Variants in KCTD14 observed in about 807,000 individuals in gnomAD.
KCTD14 encodes potassium channel tetramerization domain containing 14.
Under a neutral mutation model 5.9 loss-of-function variants are expected in KCTD14, and 7 were observed. The ratio of observed to expected loss-of-function variants is 1.19; its 90% CI spans 0.68 to 2.23. KCTD14 has a LOEUF of 2.23. Ranked by LOEUF, KCTD14 falls within the 30% of genes most tolerant of loss-of-function variation. The probability of loss-of-function intolerance (pLI) is 0.00; values close to 1 mark genes in which losing one functional copy is unlikely to be tolerated. For synonymous variants in KCTD14, 140 were observed against 133.1 expected (o/e 1.05, Z -0.36); for missense variants, 342 against 332.2 (o/e 1.03, Z -0.23).
chr11:78,026,853 C>G (rs1028273970), upstream of KCTD14, among the ~76,000 whole-genome samples: 2 of 152,024 alleles, frequency 1.3e-5, no homozygotes, highest in Non-Finnish European at 2.9e-5. Context: ...AATCCCAGCA[C>G]TTTGAGAGGC....
At chr11:78,036,549 C>T (rs1857808371) in intron 2 of KCTD14, among the ~76,000 whole-genome samples, 1 of 152,262 alleles carries the variant, frequency 6.6e-6, no homozygotes, top group South Asian at 2.1e-4. Context: ...CCATATACAT[C>T]TGGCTGTAAA....
At chr11:78,025,108 GTGTGTGTGTGTATATA>G (rs1269109208), upstream of KCTD14, among the ~76,000 whole-genome samples, 36 of 67,536 alleles carry the variant, frequency 5.3e-4, no homozygotes, top group African/African-American at 2.3e-3. Flanking sequence ...GTGTGTGTGT[GTGTGTGTGTGTATATA>G]TATATATATA....
chr11:78,030,414 C>T (rs371027399), intron 2 of KCTD14, among the ~76,000 whole-genome samples: 2 of 152,218 alleles, frequency 1.3e-5, no homozygotes, highest in Non-Finnish European at 2.9e-5. Flanking sequence ...ACCTTAGACA[C>T]GTCCCTGCCC....
At position 78,016,335 on chromosome 11, in the gene KCTD14, A is replaced by T. The variant is rs1591171849; in HGVS notation, c.*258T>A. ...TGAAACATTCTTACTTGGTCTTGTT[A>T]TTGGACTTCAAGAGAAGGGTCTGGG... On this transcript the variant is annotated 3_prime_UTR_variant, in exon 2 of 2. Transcript: ENST00000353172. The T allele has an allele frequency of 1.9e-6, 1 of 516,302 alleles. No homozygotes were observed. The highest frequency in any genetic ancestry group is 3.3e-5 in the East Asian group (1 of 30,272). The allele number at this position is 516,302 out of a possible 1,614,324, so 32.0% of individuals were successfully genotyped here.
intron 2 of KCTD14, among the ~76,000 whole-genome samples, chr11:78,031,715 A>C (rs934525842): frequency 1.3e-5 from 2 of 152,146 alleles, no homozygotes; most frequent in Non-Finnish European, 1.5e-5. Context: ...GAGGAGGAAC[A>C]CATATTTGCC....
upstream of KCTD14, among the ~76,000 whole-genome samples, chr11:78,025,085 C>CGTGTGT (rs1163862866): frequency 1.8e-3 from 159 of 89,360 alleles, 2 homozygotes; most frequent in East Asian, 6.8e-3. Context: ...TATATACACA[C>CGTGTGT]GTGTGTGTGT....
Position 78,016,839 on chromosome 11 carries a change from T to C in KCTD14, c.522A>G (p.Glu174=), listed in dbSNP as rs1857177796. Residue 174 remains glutamate (E), a synonymous_variant, in exon 2 of 2, where the codon GAA becomes GAG. Coordinates refer to ENST00000353172, the MANE Select transcript of KCTD14 (RefSeq NM_023930.4). ...RKSSVLVCLV[E]TEEQDAYYSE... Reference sequence around the variant, plus strand: ...AATAATATGCATCCTGCTCCTCAGTTTCCACCAGGCACACAAGCACGCTGG... The same window carrying C: ...AATAATATGCATCCTGCTCCTCAGTCTCCACCAGGCACACAAGCACGCTGG... The C allele has an allele frequency of 6.2e-7, 1 of 1,614,060 alleles. No homozygotes were observed. Among genetic ancestry groups the C allele is most frequent in the Non-Finnish European group, 8.5e-7 (1 of 1,180,002 alleles).
At chr11:78,017,474 G>A (rs1857200228) in intron 1 of KCTD14, among the ~76,000 whole-genome samples, 1 of 147,654 alleles carries the variant, frequency 6.8e-6, no homozygotes, top group Admixed American at 6.8e-5. Context: ...TTTCGACGGA[G>A]TCTCGCTCTG....
rs767193473 is a variant in KCTD14, at chr11:78,016,693, G to A, written c.668C>T (p.Ala223Val). ...LMHCLEMDIKAQGYKVFSKFY... is the reference protein window; with the variant it reads ...LMHCLEMDIKVQGYKVFSKFY... ...CTTGGAGAATACCTTGTACCCCTGG[G>A]CCTTAATGTCCATCTCCAGGCAGTG... The change falls in exon 2 of 2, where the codon GCC becomes GTC. Residue 223 changes from alanine (A) to valine (V), a missense_variant. Coordinates refer to ENST00000353172, the MANE Select transcript of KCTD14 (RefSeq NM_023930.4). The A allele has an allele frequency of 1.1e-5, 17 of 1,614,162 alleles. No homozygotes were observed. The East Asian group carries it at 3.8e-4, about 36-fold the overall frequency.
In KCTD14 at chr11:78,016,325, T is replaced by C. The variant is rs1857162312; in HGVS notation, c.*268A>G. 2.0e-6 allele frequency: 1 copy of C among 495,148 alleles called. No homozygotes were observed. Among genetic ancestry groups the C allele is most frequent in the African/African-American group, 1.9e-5 (1 of 51,960 alleles). 30.7% of individuals were successfully genotyped at this position (495,148 alleles called of 1,614,324 possible). On this transcript the variant is annotated 3_prime_UTR_variant, in exon 2 of 2. Coordinates refer to ENST00000353172, the MANE Select transcript of KCTD14 (RefSeq NM_023930.4). ...AACGCATTGTTGAAACATTCTTACT[T>C]GGTCTTGTTATTGGACTTCAAGAGA... is the stretch of plus-strand genomic sequence containing the variant.
intron 1 of KCTD14, among the ~76,000 whole-genome samples, chr11:78,042,415 C>T (rs1196440769): frequency 1.3e-5 from 2 of 151,710 alleles, no homozygotes; most frequent in Non-Finnish European, 2.9e-5. Flanking sequence ...GCCTGAGGCA[C>T]GAGAATTGCT....
chr11:78,029,939 G>A (rs950442941), intron 2 of KCTD14, among the ~76,000 whole-genome samples: 8 of 151,918 alleles, frequency 5.3e-5, no homozygotes, highest in African/African-American at 1.5e-4. Context: ...CCACCACCAC[G>A]CCTGGCTAAT....
chr11:78,038,743 A>G lies in KCTD14; in HGVS notation c.-80T>C, dbSNP rs1409081698. The G allele has an allele frequency of 1.0e-4, 155 of 1,535,620 alleles. No individual in the cohort carries two copies. The highest frequency in any genetic ancestry group is 2.0e-4 in the Admixed American group (10 of 50,980). On this transcript the variant is annotated 5_prime_UTR_variant, in exon 2 of 3. Coordinates refer to the KCTD14 transcript ENST00000533144. ...GAGGGATCCTGGGGACAAGCAACAG[A>G]GGCCAATGTCACCCCCTGAAACAGA...
chr11:78,035,621 A>G lies in KCTD14; in HGVS notation c.-1+3043T>C, dbSNP rs1018961542. On this transcript the variant is annotated intron_variant, in intron 2 of 2. Coordinates refer to the KCTD14 transcript ENST00000533144. Reference sequence around the variant, plus strand: ...CACTTTGGGAGGCCGAGGCGGGTGGATCACTTGAGGTCAGGAGTTCGAAAC... The same window carrying G: ...CACTTTGGGAGGCCGAGGCGGGTGGGTCACTTGAGGTCAGGAGTTCGAAAC... Among the ~76,000 whole-genome samples, 4 of 151,760 alleles carry G rather than the reference A, an allele frequency of 2.6e-5. No homozygotes were observed. In the East Asian group the frequency reaches 7.7e-4, roughly 29 times the overall value.
intron 1 of KCTD14, among the ~76,000 whole-genome samples, chr11:78,021,608 A>G (rs1857310279): frequency 6.6e-6 from 1 of 151,996 alleles, no homozygotes. Flanking sequence ...TTATACAGAC[A>G]GGGTTTTGCC....
exon 1 of KCTD14, chr11:78,046,163 G>T: frequency 4.1e-6 from 4 of 984,162 alleles, no homozygotes; most frequent in Non-Finnish European, 4.8e-6. Context: ...CGCAAGGGCA[G>T]GAGCAGGAAA....
At chr11:78,030,201 AC>A (rs1488909587) in intron 2 of KCTD14, among the ~76,000 whole-genome samples, 1 of 152,006 alleles carries the variant, frequency 6.6e-6, no homozygotes, top group Non-Finnish European at 1.5e-5. Flanking sequence ...TTTCTTTGCC[AC>A]CAATGCAAAG....
chr11:78,034,575 C>T (rs936561554), intron 2 of KCTD14, among the ~76,000 whole-genome samples: 2 of 151,712 alleles, frequency 1.3e-5, no homozygotes, highest in South Asian at 2.1e-4. Flanking sequence ...ACAGATTGTG[C>T]GACCTGGGTT....
At chr11:78,022,339 G>A (rs1465410321) in intron 1 of KCTD14, among the ~76,000 whole-genome samples, 1 of 152,072 alleles carries the variant, frequency 6.6e-6, no homozygotes, top group Non-Finnish European at 1.5e-5. Context: ...CTAGTATTCT[G>A]TTCAAGGCCA....
Sources: allele counts gnomAD v4.1 joint callset (sites outside exome capture counted in the v4.1 genomes callset), GRCh38; gene constraint gnomAD v4.1.1; transcripts MANE v1.5; gene names NCBI Gene and HGNC (gene_info 2026-07-23, HGNC 2026-07-21).